DSTYK: variants seen among roughly 807,000 people sequenced by gnomAD.
DSTYK encodes the protein RIP-homologous kinase.
DSTYK carries 34 observed loss-of-function variants against 98.7 expected under a neutral mutation model. The observed-to-expected ratio is 0.34, with a 90% CI of 0.26 to 0.46. DSTYK has a LOEUF of 0.46. DSTYK is among the 20% of genes least tolerant of loss of function. The pLI is 1.00. For missense variants in DSTYK, 962 were observed against 1,181.7 expected (o/e 0.81, Z 2.73); for synonymous variants, 462 against 457.3 (o/e 1.01, Z -0.13).
chr1:205,174,849 TGCCTC>T (rs1658181637), intron 2 of DSTYK, among the ~76,000 whole-genome samples: 1 of 148,932 alleles, frequency 6.7e-6, no homozygotes, highest in Non-Finnish European at 1.5e-5. Flanking sequence ...GCGATTCTCC[TGCCTC>T]AGCGTCTCGA....
chr1:205,162,000 C>A (rs780416802), intron 6 of DSTYK, 36 bp downstream of exon 6: 2 of 1,594,096 alleles, frequency 1.3e-6, no homozygotes, highest in Non-Finnish European at 1.7e-6. Flanking sequence ...CTCTTCTCTG[C>A]TTGATCCAGC....
intron 1 of DSTYK, among the ~76,000 whole-genome samples, chr1:205,198,809 G>T (rs1313678719): frequency 6.7e-6 from 1 of 148,222 alleles, no homozygotes; most frequent in African/African-American, 2.5e-5. Flanking sequence ...ACTGAAATTT[G>T]TCTGGCATAA....
At chr1:205,211,151 G>T in intron 1 of DSTYK, 120 bp downstream of exon 1, 1 of 1,395,192 alleles carries the variant, frequency 7.2e-7, no homozygotes. Context: ...CCGGCCACAC[G>T]ACACGACTGC....
At position 205,178,159 on chromosome 1, in the gene DSTYK, A is replaced by C. The variant is rs113067702; in HGVS notation, c.655-8327T>G. ...TCAGTAGCCATAGAAAGCATGAGACAATCATGCTAAAAGTAGAAGAATATT... is the reference window on the plus strand; with the variant it reads ...TCAGTAGCCATAGAAAGCATGAGACCATCATGCTAAAAGTAGAAGAATATT... On this transcript the variant is annotated intron_variant, in intron 2 of 12. Transcript: ENST00000367162. Among the ~76,000 whole-genome samples the C allele has an allele frequency of 8.6e-3, 1,305 of 152,220 alleles. 22 individuals carry two copies. The highest frequency in any genetic ancestry group is 0.03 in the African/African-American group (1,249 of 41,524).
chr1:205,166,014 C>G (rs1657877889), intron 3 of DSTYK, among the ~76,000 whole-genome samples: 2 of 147,002 alleles, frequency 1.4e-5, no homozygotes, highest in African/African-American at 4.9e-5. Flanking sequence ...AGAACAAGAT[C>G]CTGTCTCAAA....
Position 205,146,938 on chromosome 1 carries a change from A to G in DSTYK, c.*620T>C. On this transcript the variant is annotated 3_prime_UTR_variant, in exon 13 of 13. Coordinates refer to ENST00000367162, the MANE Select transcript of DSTYK (RefSeq NM_015375.3). ...GTAACAGTGAAACCCTCCCCCAGAA[A>G]CCAGGGATATGTGGTCCTATAAATG... 1 of 151,726 alleles carries G rather than the reference A, an allele frequency of 6.6e-6. No homozygotes were observed. Among genetic ancestry groups the G allele is most frequent in the African/African-American group, 2.4e-5 (1 of 41,086 alleles). 9.4% of individuals were successfully genotyped at this position (151,726 alleles called of 1,614,324 possible). A position where few individuals can be genotyped will look rare whatever the true frequency, so the allele number is the denominator to read the frequency against.
chr1:205,199,827 A>G (rs374118232), intron 1 of DSTYK, among the ~76,000 whole-genome samples: 10 of 152,286 alleles, frequency 6.6e-5, no homozygotes, highest in African/African-American at 2.2e-4. Flanking sequence ...AACCATAACC[A>G]AAAAAACCAC....
chr1:205,157,463 G>T, intron 9 of DSTYK, 77 bp from the exon 10 acceptor site: 2 of 1,208,458 alleles, frequency 1.7e-6, no homozygotes, highest in African/African-American at 1.5e-5. Context: ...GGCACATGAG[G>T]ACAGAAAAGT....
intron 10 of DSTYK, among the ~76,000 whole-genome samples, chr1:205,154,577 G>A (rs1657502685): frequency 6.6e-6 from 1 of 152,192 alleles, no homozygotes. Context: ...TCTCAGGTAT[G>A]TCTTTATTAG....
At position 205,159,670 on chromosome 1, in the gene DSTYK, C is replaced by T. The variant is rs200118459; in HGVS notation, c.2115G>A (p.Pro705=). ...ALEFHYMRSL[P]KHERLVDLHG... ...GGAGATCCACCAATCGCTCATGCTTCGGCAGAGACCTGGAGGGAAGGAGAG... is the reference window on the plus strand; with the variant it reads ...GGAGATCCACCAATCGCTCATGCTTTGGCAGAGACCTGGAGGGAAGGAGAG... The change falls in exon 9 of 13, where the codon CCG becomes CCA. Residue 705 remains proline (P), a synonymous_variant. Transcript: ENST00000367162. 1.5e-5 allele frequency: 25 copies of T among 1,613,252 alleles called. No homozygotes were observed. Among genetic ancestry groups the T allele is most frequent in the Middle Eastern group, 1.8e-4 (1 of 5,530 alleles).
chr1:205,193,867 T>A (rs1658783710), intron 1 of DSTYK, among the ~76,000 whole-genome samples: 1 of 132,632 alleles, frequency 7.5e-6, no homozygotes, highest in Admixed American at 7.9e-5. Context: ...TGAGACTCCG[T>A]CTCAAAAAAA....
At chr1:205,191,125 G>A (rs1437134947) in intron 1 of DSTYK, among the ~76,000 whole-genome samples, 2 of 152,130 alleles carry the variant, frequency 1.3e-5, no homozygotes, top group African/African-American at 4.8e-5. Context: ...CTGTCAAAAC[G>A]ACCAAAGACC....
At chr1:205,183,494 G>A (rs780506780) in intron 2 of DSTYK, among the ~76,000 whole-genome samples, 6 of 152,196 alleles carry the variant, frequency 3.9e-5, no homozygotes, top group Non-Finnish European at 8.8e-5. Flanking sequence ...TTAAAATAAC[G>A]TATTAGAAGA....
At chr1:205,189,365 A>G (rs1004722026) in intron 1 of DSTYK, among the ~76,000 whole-genome samples, 7 of 152,318 alleles carry the variant, frequency 4.6e-5, no homozygotes, top group African/African-American at 1.7e-4. Flanking sequence ...GTGTCTGCCT[A>G]TCTCTAAGAT....
In DSTYK at chr1:205,142,627, A is replaced by G. The variant is rs986897320; in HGVS notation, c.*4931T>C. The stretch of plus-strand genomic sequence containing the variant: ...ATTACACTAATGAAGATTAACCCAG[A>G]GTCGCATCTCTTCAAAATGCACACA... On this transcript the variant is annotated 3_prime_UTR_variant, in exon 13 of 13. Coordinates refer to ENST00000367162, the MANE Select transcript of DSTYK (RefSeq NM_015375.3). The G allele has an allele frequency of 1.3e-5, 2 of 152,312 alleles. No individual in the cohort carries two copies. The highest frequency in any genetic ancestry group is 6.3e-3 in the Middle Eastern group (2 of 316). 9.4% of individuals were successfully genotyped at this position (152,312 alleles called of 1,614,324 possible).
intron 1 of DSTYK, among the ~76,000 whole-genome samples, chr1:205,197,039 A>G (rs1658887834): frequency 6.6e-6 from 1 of 151,884 alleles, no homozygotes; most frequent in Non-Finnish European, 1.5e-5. Flanking sequence ...TGCTGGGATT[A>G]CAGGCATGAG....
At chr1:205,182,409 A>C (rs1341137807) in intron 2 of DSTYK, among the ~76,000 whole-genome samples, 1 of 151,462 alleles carries the variant, frequency 6.6e-6, no homozygotes, top group Non-Finnish European at 1.5e-5. Context: ...AAAAGCCAAA[A>C]CAAACCAAAA....
intron 2 of DSTYK, among the ~76,000 whole-genome samples, chr1:205,175,771 C>T (rs1389293209): frequency 6.6e-6 from 1 of 152,188 alleles, no homozygotes; most frequent in Non-Finnish European, 1.5e-5. Context: ...TGACCTCAGA[C>T]TGTTTCATGG....
chr1:205,185,493 G>T (rs574699591), intron 2 of DSTYK, among the ~76,000 whole-genome samples: 8 of 152,234 alleles, frequency 5.3e-5, no homozygotes, highest in Non-Finnish European at 1.2e-4. Context: ...GACTACAAGG[G>T]TGTGCCACTG....
Sources: gnomAD v4.1 joint callset for allele counts (sites outside exome capture counted in the v4.1 genomes callset) on GRCh38, gnomAD v4.1.1 for gene constraint, MANE v1.5 for transcripts, NCBI Gene and HGNC (gene_info 2026-07-23, HGNC 2026-07-21) for gene names.